Variants in CHST11 observed in about 807,000 individuals in gnomAD.
The protein encoded by CHST11 is carbohydrate sulfotransferase 11.
Under a neutral mutation model 30.4 loss-of-function variants are expected in CHST11, and 9 were observed. The ratio of observed to expected loss-of-function variants is 0.30; its 90% CI spans 0.18 to 0.52. CHST11 has a LOEUF of 0.52. Among genes scored for constraint, CHST11 ranks in the 20% least tolerant of loss-of-function variants. The pLI is 0.97. For missense variants in CHST11, 348 were observed against 460.6 expected (o/e 0.76, Z 2.24); for synonymous variants, 152 against 187.8 (o/e 0.81, Z 1.56).
At chr12:104,751,060 G>T (rs2040428234) in intron 2 of CHST11, among the ~76,000 whole-genome samples, 1 of 152,154 alleles carries the variant, frequency 6.6e-6, no homozygotes, top group Non-Finnish European at 1.5e-5. Context: ...GGAGGGGAAA[G>T]AAACCTCAAA....
chr12:104,572,510 T>C (rs1456260318), intron 1 of CHST11, among the ~76,000 whole-genome samples: 1 of 152,268 alleles, frequency 6.6e-6, no homozygotes, highest in Non-Finnish European at 1.5e-5. Flanking sequence ...ATAGAGGTGT[T>C]TATAGTATTC....
intron 2 of CHST11, among the ~76,000 whole-genome samples, chr12:104,687,894 G>T (rs536537125): frequency 6.6e-6 from 1 of 151,998 alleles, no homozygotes; most frequent in Non-Finnish European, 1.5e-5. Context: ...TTTTCATACC[G>T]TACCAGCATT....
chr12:104,483,621 C>A (rs1255320406), intron 1 of CHST11, among the ~76,000 whole-genome samples: 1 of 152,214 alleles, frequency 6.6e-6, no homozygotes, highest in Non-Finnish European at 1.5e-5. Context: ...AGTTCAGATA[C>A]AAACTCCCCA....
At chr12:104,601,723 G>C (rs1438875665) in intron 1 of CHST11, among the ~76,000 whole-genome samples, 183 bp from the exon 2 acceptor site, 4 of 152,240 alleles carry the variant, frequency 2.6e-5, no homozygotes, top group Non-Finnish European at 5.9e-5. Context: ...ATGCCTGAAT[G>C]TTGGGAAGAC....
intron 2 of CHST11, among the ~76,000 whole-genome samples, chr12:104,713,876 A>G (rs1384379442): frequency 1.3e-5 from 2 of 152,184 alleles, no homozygotes; most frequent in Admixed American, 1.3e-4. Context: ...TAGGGTGTAG[A>G]GAGATACGTT....
intron 1 of CHST11, among the ~76,000 whole-genome samples, chr12:104,461,414 C>A (rs10735397): frequency 0.78 from 118,052 of 152,210 alleles, 46,078 homozygotes; most frequent in East Asian, 0.98. Context: ...GCTTCCTATG[C>A]AAGTTCATCA....
At chr12:104,555,472 C>G (rs1213947439) in intron 1 of CHST11, among the ~76,000 whole-genome samples, 2 of 152,150 alleles carry the variant, frequency 1.3e-5, no homozygotes, top group African/African-American at 4.8e-5. Flanking sequence ...TTTCCTTTTG[C>G]CTCTTTCCCC....
At position 104,757,172 on chromosome 12, in the gene CHST11, A is replaced by T. The variant is rs1210226686; in HGVS notation, c.428A>T (p.Lys143Met). Residue 143 changes from lysine to methionine, a missense_variant, in exon 3 of 3, where the codon AAG (lysine) becomes ATG (methionine). Lys to Met is a moderately conservative substitution (Grantham distance 95). Transcript: ENST00000303694. This position sits in a 1 kb window ranked among gnomAD's most constrained non-coding sequence, Gnocchi z 6.5. Reference protein sequence around the residue: ...RLMMVLTGRGKYSDPMEIPAN... With the variant: ...RLMMVLTGRGMYSDPMEIPAN... ...ATGATGGTCCTGACCGGGCGGGGGA[A>T]GTACAGCGACCCCATGGAGATCCCG... 2 of 1,614,124 alleles carry T rather than the reference A, an allele frequency of 1.2e-6. No homozygotes were observed. Among genetic ancestry groups the T allele is most frequent in the East Asian group, 2.2e-5 (1 of 44,874 alleles).
At chr12:104,738,584 C>A (rs1216207916) in intron 2 of CHST11, among the ~76,000 whole-genome samples, 1 of 152,230 alleles carries the variant, frequency 6.6e-6, no homozygotes, top group African/African-American at 2.4e-5. Context: ...GTTTCCTGAG[C>A]ACTTACCTGC....
intron 2 of CHST11, among the ~76,000 whole-genome samples, chr12:104,714,261 C>T (rs1205378747): frequency 6.6e-6 from 1 of 152,210 alleles, no homozygotes; most frequent in South Asian, 2.1e-4. Flanking sequence ...CTGGGGAGTG[C>T]TTCCTGCTTC....
At chr12:104,527,758 C>G (rs12312652) in intron 1 of CHST11, among the ~76,000 whole-genome samples, 6,662 of 152,264 alleles carry the variant, frequency 0.044, 498 homozygotes, top group African/African-American at 0.15. Flanking sequence ...AGAACTACCT[C>G]AGACTGTGTA....
chr12:104,517,836 A>G (rs979384908), intron 1 of CHST11, among the ~76,000 whole-genome samples: 2 of 152,212 alleles, frequency 1.3e-5, no homozygotes, highest in African/African-American at 4.8e-5. Context: ...AGCTTGGCGA[A>G]ATGAAGCCAG....
At chr12:104,490,303 C>A (rs113697769) in intron 1 of CHST11, among the ~76,000 whole-genome samples, 4 of 152,296 alleles carry the variant, frequency 2.6e-5, no homozygotes, top group African/African-American at 9.6e-5. Flanking sequence ...ATAAAGATGG[C>A]AGACGTGCTA....
chr12:104,479,202 G>C (rs1175624480), intron 1 of CHST11, among the ~76,000 whole-genome samples: 2 of 151,580 alleles, frequency 1.3e-5, no homozygotes, highest in African/African-American at 4.9e-5. Flanking sequence ...AGGGAACTGA[G>C]CCAAACTCAG....
At chr12:104,601,236 C>A (rs953360519) in intron 1 of CHST11, among the ~76,000 whole-genome samples, 1 of 152,150 alleles carries the variant, frequency 6.6e-6, no homozygotes, top group Non-Finnish European at 1.5e-5. Flanking sequence ...GAATTCATTG[C>A]CATTTAAAAA....
intron 2 of CHST11, among the ~76,000 whole-genome samples, chr12:104,642,400 T>C (rs993524639): frequency 2.6e-5 from 4 of 152,280 alleles, no homozygotes; most frequent in Non-Finnish European, 5.9e-5. Flanking sequence ...TACAAATTAA[T>C]TTGATTTTTT....
chr12:104,567,893 G>C (rs778715064), intron 1 of CHST11, among the ~76,000 whole-genome samples: 7 of 152,188 alleles, frequency 4.6e-5, no homozygotes, highest in Non-Finnish European at 8.8e-5. Flanking sequence ...GACACAGAAG[G>C]CATCACTGTT....
At chr12:104,582,240 A>G (rs2038753107) in intron 1 of CHST11, among the ~76,000 whole-genome samples, 1 of 152,130 alleles carries the variant, frequency 6.6e-6, no homozygotes, top group African/African-American at 2.4e-5. Context: ...ACTGAGATGC[A>G]GGGGGTTAAG....
At chr12:104,636,870 A>G (rs1807066281) in intron 2 of CHST11, among the ~76,000 whole-genome samples, 1 of 151,894 alleles carries the variant, frequency 6.6e-6, no homozygotes, top group South Asian at 2.1e-4. Context: ...TTTTTAAAAC[A>G]ACTTTTATTT....
Sources: gnomAD v4.1 joint callset for allele counts (sites outside exome capture counted in the v4.1 genomes callset) on GRCh38, gnomAD v4.1.1 for gene constraint, Gnocchi (gnomAD v3.1) non-coding constraint, MANE v1.5 for transcripts, NCBI Gene and HGNC (gene_info 2026-07-23, HGNC 2026-07-21) for gene names.